Variants in DPYSL5 observed in about 807,000 individuals in gnomAD.
DPYSL5 encodes the protein dihydropyrimidinase like 5, also known as dihydropyrimidinase-related protein 5.
Under a neutral mutation model 58.4 loss-of-function variants are expected in DPYSL5, and 9 were observed. The observed-to-expected ratio is 0.15, with a 90% CI of 0.09 to 0.27. The LOEUF (loss-of-function observed/expected upper bound fraction) is 0.27. Ranked by LOEUF, DPYSL5 falls within the 10% of genes least tolerant of loss-of-function variation. DPYSL5 has a pLI of 1.00. For synonymous variants in DPYSL5, 293 were observed against 301.9 expected (o/e 0.97, Z 0.31); for missense variants, 499 against 770.6 (o/e 0.65, Z 4.17).
At chr2:26,885,747 C>T (rs1309505502) in intron 1 of DPYSL5, among the ~76,000 whole-genome samples, 1 of 152,198 alleles carries the variant, frequency 6.6e-6, no homozygotes, top group Non-Finnish European at 1.5e-5. Context: ...TCAGGTTCTC[C>T]ACTAGCCTTT....
intron 2 of DPYSL5, among the ~76,000 whole-genome samples, chr2:26,915,675 A>G (rs1664545634): frequency 6.6e-6 from 1 of 152,044 alleles, no homozygotes; most frequent in Non-Finnish European, 1.5e-5. Context: ...CATTTTCCAA[A>G]TGGTTTTCCT....
At chr2:26,904,257 C>T (rs773791707) in intron 2 of DPYSL5, among the ~76,000 whole-genome samples, 14 of 152,204 alleles carry the variant, frequency 9.2e-5, no homozygotes, top group Non-Finnish European at 1.8e-4. Flanking sequence ...TTTTGGTGCC[C>T]AGCCTTGCCA....
intron 5 of DPYSL5, among the ~76,000 whole-genome samples, chr2:26,931,203 G>GTGTGTATATA (rs1474347605): frequency 2.2e-5 from 1 of 44,910 alleles, no homozygotes. Flanking sequence ...GTGTGTGTGT[G>GTGTGTATATA]TATATATATA....
chr2:26,859,567 G>C (rs1303279101), intron 1 of DPYSL5, among the ~76,000 whole-genome samples: 1 of 152,178 alleles, frequency 6.6e-6, no homozygotes, highest in African/African-American at 2.4e-5. Context: ...ATAAAATTGT[G>C]TGAGCTACTC....
At chr2:26,860,710 G>A (rs1665989932) in intron 1 of DPYSL5, among the ~76,000 whole-genome samples, 1 of 152,282 alleles carries the variant, frequency 6.6e-6, no homozygotes, top group Admixed American at 6.5e-5. Flanking sequence ...AAAGAATAAG[G>A]CAGGTATTTC....
chr2:26,883,552 T>C (rs1028736600), intron 1 of DPYSL5, among the ~76,000 whole-genome samples: 4 of 151,948 alleles, frequency 2.6e-5, no homozygotes, highest in African/African-American at 9.7e-5. Flanking sequence ...GCACGCACCA[T>C]CATGCCTGGC....
chr2:26,907,956 A>G (rs1664339958), intron 2 of DPYSL5, among the ~76,000 whole-genome samples: 1 of 152,200 alleles, frequency 6.6e-6, no homozygotes, highest in Non-Finnish European at 1.5e-5. Flanking sequence ...AGTGGGAGTT[A>G]TCAGCACAGA....
intron 1 of DPYSL5, among the ~76,000 whole-genome samples, chr2:26,874,276 A>G (rs1663346920): frequency 6.6e-6 from 1 of 152,156 alleles, no homozygotes; most frequent in Non-Finnish European, 1.5e-5. Flanking sequence ...AATTTCGATA[A>G]AAGTTTCATT....
intron 1 of DPYSL5, among the ~76,000 whole-genome samples, chr2:26,865,549 G>A (rs1016449927): frequency 6.6e-5 from 10 of 151,984 alleles, no homozygotes; most frequent in Admixed American, 2.6e-4. Flanking sequence ...TCCTGACCTC[G>A]TGATCCTTCC....
chr2:26,863,199 C>T (rs1004102852), intron 1 of DPYSL5, among the ~76,000 whole-genome samples: 2 of 152,206 alleles, frequency 1.3e-5, no homozygotes, highest in Non-Finnish European at 2.9e-5. Flanking sequence ...CCCTGGCCCA[C>T]CCCTTCCTCC....
At chr2:26,851,366 C>T (rs958320949) in intron 1 of DPYSL5, among the ~76,000 whole-genome samples, 2 of 152,234 alleles carry the variant, frequency 1.3e-5, no homozygotes, top group Admixed American at 1.3e-4. Context: ...GTCAGCGTAA[C>T]CTCTCTAGGT....
chr2:26,932,131 AAGAAAG>A (rs1436770575), intron 6 of DPYSL5, among the ~76,000 whole-genome samples: 4 of 139,348 alleles, frequency 2.9e-5, no homozygotes, highest in African/African-American at 1.1e-4. Context: ...AAGAGAAAGA[AAGAAAG>A]AGAAAGAAAG....
chr2:26,858,126 G>A (rs1204611384), intron 1 of DPYSL5, among the ~76,000 whole-genome samples: 2 of 151,540 alleles, frequency 1.3e-5, no homozygotes, highest in African/African-American at 4.8e-5. Context: ...TGCCATGTTT[G>A]GTATTTGTCT....
chr2:26,912,478 C>T (rs1664466692), intron 2 of DPYSL5, among the ~76,000 whole-genome samples: 1 of 152,226 alleles, frequency 6.6e-6, no homozygotes, highest in Non-Finnish European at 1.5e-5. Context: ...TAAACATCAT[C>T]ATGGCCTGCT....
At chr2:26,888,856 A>C (rs1663797468) in intron 1 of DPYSL5, among the ~76,000 whole-genome samples, 1 of 152,130 alleles carries the variant, frequency 6.6e-6, no homozygotes, top group South Asian at 2.1e-4. Context: ...TGGGTGGTTT[A>C]AACAACAGAA....
chr2:26,865,736 G>C (rs1417126642), intron 1 of DPYSL5, among the ~76,000 whole-genome samples: 1 of 152,160 alleles, frequency 6.6e-6, no homozygotes, highest in East Asian at 1.9e-4. Context: ...GAGTCAAAAG[G>C]CTGGAAAAGA....
chr2:26,852,681 G>A (rs1314526519), intron 1 of DPYSL5, among the ~76,000 whole-genome samples: 2 of 152,132 alleles, frequency 1.3e-5, no homozygotes, highest in African/African-American at 4.8e-5. Flanking sequence ...TTTCACCTTG[G>A]CCACTTTCTG....
intron 2 of DPYSL5, among the ~76,000 whole-genome samples, chr2:26,923,368 A>G (rs1351198448): frequency 6.6e-6 from 1 of 152,204 alleles, no homozygotes; most frequent in African/African-American, 2.4e-5. Context: ...GTAACTAAAC[A>G]CACATGTTAG....
rs114876130 is a variant in DPYSL5, at chr2:26,849,439, G to T, written c.-5+1185G>T. Among the ~76,000 whole-genome samples, 1,204 of 152,218 alleles carry T rather than the reference G, an allele frequency of 7.9e-3. 16 individuals carry two copies. The highest frequency in any genetic ancestry group is 0.027 in the African/African-American group (1,119 of 41,560). ...GCGGCCCAGGTGGCCGGCTGGGCGT[G>T]GCCCTCGGACCGGGGTTAGGGACCC... On this transcript the variant is annotated intron_variant, in intron 1 of 12. Transcript: ENST00000288699. The surrounding 1 kb of genome is among the most constrained non-coding windows in gnomAD (Gnocchi z 6.2).
Sources: gnomAD v4.1 joint callset for allele counts (sites outside exome capture counted in the v4.1 genomes callset) on GRCh38, gnomAD v4.1.1 for gene constraint, Gnocchi (gnomAD v3.1) non-coding constraint, MANE v1.5 for transcripts, NCBI Gene and HGNC (gene_info 2026-07-23, HGNC 2026-07-21) for gene names.